The following EPHB2 variants were observed in gnomAD, a reference collection of about 807,000 sequenced individuals.
EPHB2 encodes the protein ephrin type-B receptor 2.
A neutral mutation model predicts 96.4 loss-of-function variants in EPHB2; 18 were observed. The ratio of observed to expected loss-of-function variants is 0.19; its 90% CI spans 0.13 to 0.28. The LOEUF (loss-of-function observed/expected upper bound fraction) is 0.28. Among genes scored for constraint, EPHB2 ranks in the 10% least tolerant of loss-of-function variants. The probability of loss-of-function intolerance (pLI) is 1.00; values close to 1 mark genes in which losing one functional copy is unlikely to be tolerated. For missense variants in EPHB2, 989 were observed against 1,355.4 expected (o/e 0.73, Z 4.25); for synonymous variants, 506 against 534.1 (o/e 0.95, Z 0.72).
At chr1:22,842,787 T>C (rs1187634380) in intron 3 of EPHB2, among the ~76,000 whole-genome samples, 1 of 152,064 alleles carries the variant, frequency 6.6e-6, no homozygotes, top group East Asian at 1.9e-4. Flanking sequence ...GGAAGAGCCT[T>C]TGTACATTCT....
chr1:22,757,841 T>A lies in EPHB2; in HGVS notation c.62-23580T>A, dbSNP rs1217462877. Among the ~76,000 whole-genome samples the A allele has an allele frequency of 3.7e-5, 5 of 133,896 alleles. No homozygotes were observed. The South Asian group carries it at 1.4e-3, about 37-fold the overall frequency. The allele number at this position is 133,896 out of a possible 152,430, so 87.8% of individuals were successfully genotyped here. On this transcript the variant is annotated intron_variant, in intron 1 of 15. Transcript: ENST00000374630. Reference sequence around the variant, plus strand: ...TTGTGCCACTGCACTCCAGCCTGAGTGACATAGTGAGACCCTTTCCCCCCA... The same window carrying A: ...TTGTGCCACTGCACTCCAGCCTGAGAGACATAGTGAGACCCTTTCCCCCCA...
At chr1:22,910,334 G>A (rs1245532995) in intron 13 of EPHB2, 48 bp from the exon 14 acceptor site, 2 of 1,604,976 alleles carry the variant, frequency 1.2e-6, no homozygotes, top group Non-Finnish European at 1.7e-6. Flanking sequence ...GAGGGTAGAC[G>A]CCCTCAGCCC....
At chr1:22,769,265 C>T (rs1557663038) in intron 1 of EPHB2, among the ~76,000 whole-genome samples, 1 of 152,198 alleles carries the variant, frequency 6.6e-6, no homozygotes, top group Non-Finnish European at 1.5e-5. Context: ...TCAGCAAGGG[C>T]CCAATCCACA....
At chr1:22,898,252 C>T (rs372773516) in intron 9 of EPHB2, among the ~76,000 whole-genome samples, 1 of 151,956 alleles carries the variant, frequency 6.6e-6, no homozygotes, top group Admixed American at 6.6e-5. Context: ...GGAACAGTAA[C>T]GGACCGAGAG....
At chr1:22,774,676 C>T in intron 1 of EPHB2, 1 of 940,776 alleles carries the variant, frequency 1.1e-6, no homozygotes, top group Non-Finnish European at 1.3e-6. Flanking sequence ...GCCTCGAGTA[C>T]CTTGTTAAGA....
intron 1 of EPHB2, among the ~76,000 whole-genome samples, chr1:22,721,976 C>T (rs1315909246): frequency 6.6e-6 from 1 of 152,088 alleles, no homozygotes; most frequent in Admixed American, 6.5e-5. Context: ...TGTTTTGAGT[C>T]TCGCTCTGTT....
intron 5 of EPHB2, among the ~76,000 whole-genome samples, chr1:22,872,956 C>T (rs1638720875): frequency 1.3e-5 from 2 of 152,208 alleles, no homozygotes; most frequent in Non-Finnish European, 1.5e-5. Context: ...CTCCCTGGGC[C>T]GAGCCCTCTC....
chr1:22,845,127 T>C (rs1283368193), intron 3 of EPHB2, among the ~76,000 whole-genome samples: 1 of 152,220 alleles, frequency 6.6e-6, no homozygotes, highest in East Asian at 1.9e-4. Flanking sequence ...GAGCAGTGGC[T>C]GAAAGCACAT....
chr1:22,808,970 A>G (rs955020441), intron 3 of EPHB2, among the ~76,000 whole-genome samples: 16 of 152,268 alleles, frequency 1.1e-4, no homozygotes, highest in African/African-American at 3.8e-4. Flanking sequence ...CTGCCTTGCT[A>G]TAAGGCCTTG....
At chr1:22,711,778 C>G (rs1273362096) in intron 1 of EPHB2, among the ~76,000 whole-genome samples, 1 of 152,068 alleles carries the variant, frequency 6.6e-6, no homozygotes, top group East Asian at 2.0e-4. Context: ...CTCCAGCTGC[C>G]GCCGGGGCCG....
intron 1 of EPHB2, among the ~76,000 whole-genome samples, chr1:22,748,729 T>C (rs994256885): frequency 3.3e-5 from 5 of 149,360 alleles, no homozygotes; most frequent in African/African-American, 1.3e-4. Flanking sequence ...GAGATATATG[T>C]ACATACATAA....
intron 5 of EPHB2, among the ~76,000 whole-genome samples, chr1:22,865,509 GA>G (rs1638442727): frequency 6.6e-6 from 1 of 152,226 alleles, no homozygotes; most frequent in Admixed American, 6.5e-5. Context: ...TCTCATGGGA[GA>G]ATCCAGAGGT....
At chr1:22,859,663 C>T (rs888654592) in intron 3 of EPHB2, among the ~76,000 whole-genome samples, 2 of 151,904 alleles carry the variant, frequency 1.3e-5, no homozygotes, top group African/African-American at 2.4e-5. Context: ...CATGGTGGCA[C>T]GCGCCTGTAG....
chr1:22,765,484 T>C (rs560436355), intron 1 of EPHB2, among the ~76,000 whole-genome samples: 344 of 146,366 alleles, frequency 2.4e-3, no homozygotes, highest in African/African-American at 7.7e-3. Flanking sequence ...GAGGCGGAGG[T>C]TGCAGTAAGC....
chr1:22,745,060 T>C (rs929367897), intron 1 of EPHB2, among the ~76,000 whole-genome samples: 10 of 152,108 alleles, frequency 6.6e-5, no homozygotes, highest in African/African-American at 2.4e-4. Flanking sequence ...TTCAAACTGG[T>C]GTTATCCAAG....
chr1:22,749,090 G>A (rs1461798267), intron 1 of EPHB2, among the ~76,000 whole-genome samples: 2 of 150,506 alleles, frequency 1.3e-5, no homozygotes, highest in Admixed American at 6.6e-5. Context: ...GTGGGATCTC[G>A]CCTCACTGCA....
chr1:22,842,722 G>A (rs181962436), intron 3 of EPHB2, among the ~76,000 whole-genome samples: 52 of 152,192 alleles, frequency 3.4e-4, no homozygotes, highest in African/African-American at 7.7e-4. Flanking sequence ...CTGCTTCAGC[G>A]GCCAGACCTC....
At chr1:22,896,033 A>G (rs1639549488) in intron 8 of EPHB2, among the ~76,000 whole-genome samples, 1 of 152,242 alleles carries the variant, frequency 6.6e-6, no homozygotes, top group Non-Finnish European at 1.5e-5. Context: ...GGGTGGGGCC[A>G]GTTCCTTGAC....
intron 3 of EPHB2, among the ~76,000 whole-genome samples, chr1:22,849,866 T>C (rs1192635572): frequency 6.6e-6 from 1 of 152,190 alleles, no homozygotes; most frequent in African/African-American, 2.4e-5. Context: ...GAACCCACAC[T>C]GAAAAAGTTC....
Sources: gnomAD v4.1 joint callset for allele counts (sites outside exome capture counted in the v4.1 genomes callset) on GRCh38, gnomAD v4.1.1 for gene constraint, MANE v1.5 for transcripts, NCBI Gene and HGNC (gene_info 2026-07-23, HGNC 2026-07-21) for gene names.